ITIH5: variants seen among roughly 807,000 people sequenced by gnomAD.
ITIH5 encodes inter-alpha-trypsin inhibitor heavy chain H5.
ITIH5 carries 65 observed loss-of-function variants against 77.5 expected under a neutral mutation model. The observed-to-expected ratio is 0.84, with a 90% CI of 0.69 to 1.03. ITIH5 has a LOEUF of 1.03. ITIH5 is among the 50% of genes least tolerant of loss of function. The pLI is 0.00. For synonymous variants in ITIH5, 525 were observed against 494.3 expected (o/e 1.06, Z -0.82); for missense variants, 1,208 against 1,213.1 (o/e 1.00, Z 0.06).
chr10:7,591,461 TAACTC>T (rs1268930458), intron 7 of ITIH5, among the ~76,000 whole-genome samples: 1 of 152,160 alleles, frequency 6.6e-6, no homozygotes, highest in African/African-American at 2.4e-5. Flanking sequence ...AGGCCATTCC[TAACTC>T]AACAGTGAAG....
chr10:7,658,766 G>A (rs1312177437), intron 1 of ITIH5, among the ~76,000 whole-genome samples: 1 of 152,164 alleles, frequency 6.6e-6, no homozygotes, highest in Non-Finnish European at 1.5e-5. Flanking sequence ...GTTATAATAA[G>A]AGGTTGTGGA....
intron 12 of ITIH5, among the ~76,000 whole-genome samples, chr10:7,566,930 G>T (rs956661806): frequency 3.4e-5 from 5 of 146,178 alleles, no homozygotes; most frequent in Non-Finnish European, 7.5e-5. Flanking sequence ...GAAAAGAAAA[G>T]AAAATCTATC....
intron 5 of ITIH5, among the ~76,000 whole-genome samples, chr10:7,625,488 G>A (rs114213524): frequency 0.012 from 1,846 of 152,278 alleles, 49 homozygotes; most frequent in African/African-American, 0.043. Flanking sequence ...CAGATGGGCC[G>A]GGCATGTGGA....
intron 5 of ITIH5, among the ~76,000 whole-genome samples, chr10:7,626,069 C>T (rs369609168): frequency 2.0e-5 from 3 of 152,148 alleles, no homozygotes; most frequent in African/African-American, 4.8e-5. Flanking sequence ...TTTCTCTTCC[C>T]GAAAGTGTTC....
chr10:7,564,675 G>A (rs1419339455), intron 13 of ITIH5, among the ~76,000 whole-genome samples: 7 of 151,724 alleles, frequency 4.6e-5, no homozygotes, highest in Non-Finnish European at 8.8e-5. Flanking sequence ...ATCACCTAAC[G>A]ACCATTAGAA....
chr10:7,637,295 C>T lies in ITIH5; in HGVS notation c.585G>A (p.Ala195=), dbSNP rs772428688. The T allele has an allele frequency of 2.5e-6, 4 of 1,613,124 alleles. No individual in the cohort carries two copies. The highest frequency in any genetic ancestry group is 2.7e-5 in the African/African-American group (2 of 75,034). ...LSVDVNILES[A]GIASLEVLPL... is the part of the protein sequence containing the mutation. ...GCAGCACCTCCAGGGATGCGATGCC[C>T]GCGCTCTCCAGGATATTCACGTCCA... Residue 195 remains alanine (A), a synonymous_variant, in exon 5 of 14, where the codon GCG becomes GCA. Coordinates refer to ENST00000397146, the MANE Select transcript of ITIH5 (RefSeq NM_030569.7).
intron 1 of ITIH5, among the ~76,000 whole-genome samples, chr10:7,663,017 T>C (rs1834304091): frequency 2.0e-5 from 3 of 152,210 alleles, no homozygotes; most frequent in Admixed American, 6.5e-5. Context: ...CCACAATAGA[T>C]GTTTGAATTA....
chr10:7,599,818 TA>T (rs1832979876), intron 7 of ITIH5, among the ~76,000 whole-genome samples: 3 of 152,190 alleles, frequency 2.0e-5, no homozygotes, highest in African/African-American at 7.2e-5. Flanking sequence ...AGAAAATATG[TA>T]GAGGAAGTGG....
At chr10:7,655,375 T>TA (rs1181953940) in intron 2 of ITIH5, among the ~76,000 whole-genome samples, 6 of 151,796 alleles carry the variant, frequency 4.0e-5, no homozygotes, top group South Asian at 2.1e-4. Flanking sequence ...ATTTAGGCTT[T>TA]AAAAAAAATA....
intron 5 of ITIH5, among the ~76,000 whole-genome samples, chr10:7,634,929 T>C (rs75631787): frequency 0.016 from 2,399 of 152,282 alleles, 43 homozygotes; most frequent in Non-Finnish European, 0.021. Flanking sequence ...TTTAAAACAT[T>C]CTTAGTTATT....
intron 5 of ITIH5, among the ~76,000 whole-genome samples, chr10:7,629,833 C>T (rs890782392): frequency 2.0e-5 from 3 of 152,106 alleles, no homozygotes; most frequent in Admixed American, 6.5e-5. Flanking sequence ...AATATATACC[C>T]AGAGGATGTG....
At chr10:7,653,752 T>C (rs1177458278) in intron 2 of ITIH5, among the ~76,000 whole-genome samples, 1 of 152,222 alleles carries the variant, frequency 6.6e-6, no homozygotes, top group Admixed American at 6.5e-5. Context: ...GACACTGAAC[T>C]GGACTCAAAT....
intron 7 of ITIH5, among the ~76,000 whole-genome samples, chr10:7,610,069 CTTTT>C (rs5782989): frequency 8.1e-5 from 7 of 86,726 alleles, no homozygotes; most frequent in African/African-American, 1.2e-4. Context: ...TTTCTTTTTT[CTTTT>C]TTTTTTTTTT....
intron 1 of ITIH5, among the ~76,000 whole-genome samples, chr10:7,656,278 G>C (rs982124610): frequency 3.9e-5 from 6 of 152,250 alleles, no homozygotes; most frequent in African/African-American, 1.4e-4. Context: ...GCAGTGGTGC[G>C]ATCACAGCTC....
chr10:7,662,869 T>C (rs1834300868), intron 1 of ITIH5, among the ~76,000 whole-genome samples: 1 of 152,234 alleles, frequency 6.6e-6, no homozygotes, highest in Non-Finnish European at 1.5e-5. Context: ...CTTTGTTTTT[T>C]AAAGAGTTGA....
chr10:7,563,839 G>T (rs1832088183), intron 13 of ITIH5, among the ~76,000 whole-genome samples: 1 of 152,254 alleles, frequency 6.6e-6, no homozygotes, highest in African/African-American at 2.4e-5. Context: ...GGACTCTCCT[G>T]GTCAGATGGC....
chr10:7,609,317 C>A, intron 7 of ITIH5: 1 of 387,200 alleles, frequency 2.6e-6, no homozygotes. Flanking sequence ...GGTAGTTTGG[C>A]AGCAAATGTC....
rs141711985 is a variant in ITIH5 at position 7,636,196 on chromosome 10, G to A, written c.652+1032C>T. 5.2e-3 allele frequency among the ~76,000 whole-genome samples: 789 copies of A among 151,966 alleles called. 7 individuals are homozygous for A. The highest frequency in any genetic ancestry group is 0.018 in the African/African-American group (743 of 41,434). ...CCTCCCAAAAAAAGAAAAAAAATAC[G>A]GTGATTAAAACTAGATTATACTGTA... On this transcript the variant is annotated intron_variant, in intron 5 of 13. Coordinates refer to ENST00000397146, the MANE Select transcript of ITIH5 (RefSeq NM_030569.7).
chr10:7,586,043 G>A lies in ITIH5; in HGVS notation c.966C>T (p.Leu322=), dbSNP rs374135784. The stretch of plus-strand genomic sequence containing the variant: ...AACGGTCCTGGGGTCGGAGGTCATG[G>A]AGAATTGTGAAGAGGGCATCCTTGG... ...RQTKDALFTI[L]HDLRPQDRFS... is the part of the protein sequence containing the mutation. The change falls in exon 8 of 14, where the codon CTC becomes CTT. Residue 322 remains leucine (L), a synonymous_variant. Coordinates refer to ENST00000397146, the MANE Select transcript of ITIH5 (RefSeq NM_030569.7). 6.2e-7 allele frequency: 1 copy of A among 1,613,788 alleles called. No individual in the cohort carries two copies. Among genetic ancestry groups the A allele is most frequent in the Non-Finnish European group, 8.5e-7 (1 of 1,179,906 alleles).
Sources: gnomAD v4.1 joint callset for allele counts (sites outside exome capture counted in the v4.1 genomes callset) on GRCh38, gnomAD v4.1.1 for gene constraint, MANE v1.5 for transcripts, NCBI Gene and HGNC (gene_info 2026-07-23, HGNC 2026-07-21) for gene names.